Variants in KLF8 observed in about 807,000 individuals in gnomAD.
The protein encoded by KLF8 is KLF transcription factor 8.
In KLF8, 10 loss-of-function variants were observed where a neutral mutation model predicts 18.2. That is an observed-to-expected ratio of 0.55 (90% CI 0.34 to 0.93). The LOEUF is 0.93. Among genes scored for constraint, KLF8 ranks in the 40% least tolerant of loss-of-function variants. KLF8 has a pLI of 0.02. For missense variants in KLF8, 264 were observed against 277.9 expected (o/e 0.95, Z 0.36); for synonymous variants, 109 against 97.3 (o/e 1.12, Z -0.71).
At chrX:56,063,648 G>A in the KLF8 span, among the ~76,000 whole-genome samples, 2 of 111,888 alleles carry the variant, frequency 1.8e-5, no homozygotes, top group Non-Finnish European at 3.8e-5. Flanking sequence ...ACCCACTTGA[G>A]GAGGCAGTCT....
At chrX:56,188,530 C>T in the KLF8 span, among the ~76,000 whole-genome samples, 181 of 111,797 alleles carry the variant, frequency 1.6e-3, 4 homozygotes, top group East Asian at 0.033. Context: ...CTTTCAAGTT[C>T]ATATGGAACC....
intron 1 of KLF8, among the ~76,000 whole-genome samples, chrX:56,242,633 C>T (rs757888026): frequency 2.1e-4 from 23 of 111,461 alleles, no homozygotes; most frequent in African/African-American, 6.8e-4. Context: ...ATTTTCAATA[C>T]CTTATATGAC....
the KLF8 span, among the ~76,000 whole-genome samples, chrX:56,146,581 G>T: frequency 9.0e-6 from 1 of 110,542 alleles, no homozygotes; most frequent in Non-Finnish European, 1.9e-5. Context: ...GGGATTAGGG[G>T]ATGGATAGCA....
chrX:56,061,168 A>AT, the KLF8 span, among the ~76,000 whole-genome samples: 4 of 111,173 alleles, frequency 3.6e-5, no homozygotes, highest in East Asian at 1.1e-3. Context: ...ATCTCCTTCA[A>AT]TTCTGCTCTG....
chrX:56,118,210 G>T, the KLF8 span, among the ~76,000 whole-genome samples: 1 of 111,452 alleles, frequency 9.0e-6, no homozygotes, highest in Non-Finnish European at 1.9e-5. Context: ...CTCATACTCA[G>T]TTTACCTACC....
rs1282093058 is a variant in KLF8 at position 56,286,021 on chromosome X, C to T, written c.*1527C>T. The T allele has an allele frequency of 1.8e-5, 2 of 111,509 alleles. No homozygotes were observed. The highest frequency in any genetic ancestry group is 3.8e-5 in the Non-Finnish European group (2 of 53,117). 9.2% of individuals were successfully genotyped at this position (111,509 alleles called of 1,213,427 possible). A position where few individuals can be genotyped will look rare whatever the true frequency, so the allele number is the denominator to read the frequency against. On this transcript the variant is annotated 3_prime_UTR_variant, in exon 6 of 6. Transcript: ENST00000468660. The stretch of plus-strand genomic sequence containing the variant: ...TAGAATTCTAGCACCAAGAAGGGAT[C>T]CCGTTAACCATCTAGTCCTATCCAT...
the KLF8 span, among the ~76,000 whole-genome samples, chrX:55,922,293 A>G: frequency 2.7e-5 from 3 of 112,864 alleles, no homozygotes; most frequent in East Asian, 8.3e-4. Flanking sequence ...ATAAAAAGGA[A>G]TGAGATCTTG....
the KLF8 span, among the ~76,000 whole-genome samples, chrX:56,006,746 T>A: frequency 1.8e-5 from 2 of 112,660 alleles, no homozygotes; most frequent in Non-Finnish European, 3.7e-5. Flanking sequence ...ATTAGTCACT[T>A]GTTGGATTCA....
chrX:56,118,163 C>A, the KLF8 span, among the ~76,000 whole-genome samples: 1 of 111,705 alleles, frequency 9.0e-6, no homozygotes, highest in East Asian at 2.8e-4. Flanking sequence ...CAGACTATAG[C>A]AATTCCTAAT....
chrX:56,022,714 C>T, the KLF8 span, among the ~76,000 whole-genome samples: 1 of 109,777 alleles, frequency 9.1e-6, no homozygotes, highest in South Asian at 4.1e-4. Flanking sequence ...AAAGCAGCAA[C>T]GTGGTAACCA....
At chrX:56,012,874 A>G in the KLF8 span, among the ~76,000 whole-genome samples, 1 of 112,214 alleles carries the variant, frequency 8.9e-6, no homozygotes, top group Admixed American at 9.4e-5. Context: ...TAAAATTTAT[A>G]TGGAACCAAA....
At chrX:56,009,417 C>T in the KLF8 span, among the ~76,000 whole-genome samples, 2 of 105,333 alleles carry the variant, frequency 1.9e-5, no homozygotes, top group African/African-American at 6.9e-5. Context: ...ACATCATCAA[C>T]AAAAAAAAAA....
the KLF8 span, among the ~76,000 whole-genome samples, chrX:55,976,371 C>T: frequency 9.0e-6 from 1 of 111,158 alleles, no homozygotes; most frequent in Non-Finnish European, 1.9e-5. Flanking sequence ...CGTCCCATTT[C>T]CCCCAGCTCC....
At chrX:56,051,398 G>A in the KLF8 span, among the ~76,000 whole-genome samples, 7 of 110,436 alleles carry the variant, frequency 6.3e-5, no homozygotes, top group East Asian at 2.8e-4. Flanking sequence ...ATTTTGCAGC[G>A]GCTGGTGCCG....
chrX:56,055,434 T>C, the KLF8 span, among the ~76,000 whole-genome samples: 3 of 112,147 alleles, frequency 2.7e-5, no homozygotes, highest in African/African-American at 9.7e-5. Context: ...AGAAGTTCAC[T>C]GTTTGTCTGA....
the KLF8 span, among the ~76,000 whole-genome samples, chrX:56,158,253 C>T: frequency 8.9e-6 from 1 of 111,762 alleles, no homozygotes; most frequent in Non-Finnish European, 1.9e-5. Context: ...GTCTATATCT[C>T]TGTTTTGGTA....
At chrX:56,150,107 T>C in the KLF8 span, among the ~76,000 whole-genome samples, 1 of 111,495 alleles carries the variant, frequency 9.0e-6, no homozygotes, top group East Asian at 2.8e-4. Context: ...TGAACTGATT[T>C]TAAATTTTAC....
the KLF8 span, among the ~76,000 whole-genome samples, chrX:55,982,828 A>G: frequency 1.8e-5 from 2 of 112,271 alleles, no homozygotes; most frequent in Non-Finnish European, 3.8e-5. Flanking sequence ...AAATCTGACA[A>G]TGCAACTTTT....
the KLF8 span, among the ~76,000 whole-genome samples, chrX:56,027,934 C>T: frequency 8.9e-6 from 1 of 112,553 alleles, no homozygotes; most frequent in African/African-American, 3.2e-5. Context: ...AAAGTTACCA[C>T]CACATGGGGG....
Sources: gnomAD v4.1 joint callset for allele counts (sites outside exome capture counted in the v4.1 genomes callset) on GRCh38, gnomAD v4.1.1 for gene constraint, MANE v1.5 for transcripts, NCBI Gene and HGNC (gene_info 2026-07-23, HGNC 2026-07-21) for gene names.